Variants in CNTNAP5 observed in about 807,000 individuals in gnomAD.
The protein encoded by CNTNAP5 is contactin associated protein family member 5.
In CNTNAP5, 72 loss-of-function variants were observed where a neutral mutation model predicts 150.2. That is an observed-to-expected ratio of 0.48 (90% CI 0.40 to 0.58). The LOEUF is 0.58. CNTNAP5 is among the 20% of genes least tolerant of loss of function. The pLI, the probability that CNTNAP5 is intolerant of heterozygous loss-of-function variation, is 0.00. For missense variants in CNTNAP5, 1,636 were observed against 1,626.2 expected (o/e 1.01, Z -0.10); for synonymous variants, 672 against 619.8 (o/e 1.08, Z -1.25).
chr2:124,265,305 A>G (rs774326253), intron 3 of CNTNAP5, among the ~76,000 whole-genome samples: 1 of 151,936 alleles, frequency 6.6e-6, no homozygotes, highest in Non-Finnish European at 1.5e-5. Context: ...CTTGGTGTCA[A>G]TTTCACCTTC....
At chr2:124,313,794 A>G (rs1049477257) in intron 3 of CNTNAP5, among the ~76,000 whole-genome samples, 1 of 152,186 alleles carries the variant, frequency 6.6e-6, no homozygotes, top group Non-Finnish European at 1.5e-5. Flanking sequence ...CAGGGCAGGC[A>G]GGGGGAGTGA....
chr2:124,227,062 C>T (rs1312642045), intron 2 of CNTNAP5, among the ~76,000 whole-genome samples: 1 of 152,130 alleles, frequency 6.6e-6, no homozygotes, highest in Non-Finnish European at 1.5e-5. Flanking sequence ...TAAGTTTCCA[C>T]ATGAGTTTCA....
intron 13 of CNTNAP5, among the ~76,000 whole-genome samples, chr2:124,718,373 A>T (rs754110922): frequency 6.6e-6 from 1 of 151,928 alleles, no homozygotes; most frequent in Non-Finnish European, 1.5e-5. Flanking sequence ...AATCCAACAA[A>T]CTCCATTTTT....
intron 11 of CNTNAP5, 21 bp from the exon 12 acceptor site, chr2:124,609,780 C>T: frequency 6.2e-7 from 1 of 1,612,030 alleles, no homozygotes; most frequent in Non-Finnish European, 8.5e-7. Context: ...AGTTTTATCT[C>T]TGCTGCCTTT....
At chr2:124,319,165 G>T (rs952800794) in intron 3 of CNTNAP5, among the ~76,000 whole-genome samples, 1 of 152,172 alleles carries the variant, frequency 6.6e-6, no homozygotes, top group African/African-American at 2.4e-5. Flanking sequence ...ACCTATAAAG[G>T]TTCTCTTGCC....
chr2:124,123,638 C>G (rs1433284168), intron 1 of CNTNAP5, among the ~76,000 whole-genome samples: 1 of 152,202 alleles, frequency 6.6e-6, no homozygotes, highest in South Asian at 2.1e-4. Flanking sequence ...AGTAGCCTAA[C>G]TGGGAGACAC....
chr2:124,750,011 C>T (rs1680691730), intron 14 of CNTNAP5, among the ~76,000 whole-genome samples: 1 of 152,166 alleles, frequency 6.6e-6, no homozygotes, highest in Non-Finnish European at 1.5e-5. Flanking sequence ...ACTCTGAACC[C>T]CTCATCTGAT....
chr2:124,279,969 T>G (rs1396771400), intron 3 of CNTNAP5, among the ~76,000 whole-genome samples: 1 of 152,094 alleles, frequency 6.6e-6, no homozygotes, highest in African/African-American at 2.4e-5. Flanking sequence ...CTCCTAATAT[T>G]TTTCTTTACT....
In CNTNAP5 at chr2:124,788,449, A is replaced by C. The variant is rs78797898; in HGVS notation, c.2753-1453A>C. On this transcript the variant is annotated intron_variant, in intron 17 of 23. Transcript: ENST00000682447. ...ATAATGTAATAATAAGCTCATTATT[A>C]ATCAGCTTAATTTAAGGATTAATCA... 2.1e-4 allele frequency among the ~76,000 whole-genome samples: 32 copies of C among 152,338 alleles called. No homozygotes were observed. The East Asian group carries it at 5.8e-3, about 28-fold the overall frequency.
chr2:124,681,603 G>A (rs796350327), intron 13 of CNTNAP5, among the ~76,000 whole-genome samples: 1 of 152,130 alleles, frequency 6.6e-6, no homozygotes, highest in African/African-American at 2.4e-5. Context: ...TCACACTGTC[G>A]CTCAGGCCGG....
In CNTNAP5 at chr2:124,349,027, T is replaced by C. The variant is rs779090556; in HGVS notation, c.382-68416T>C. On this transcript the variant is annotated intron_variant, in intron 3 of 23. Transcript: ENST00000682447. The stretch of plus-strand genomic sequence containing the variant: ...CAATTTTTGGCATCTTTAAAAAATG[T>C]TTGTGAACTTAACTAGTAGAGATTG... 5.9e-5 allele frequency among the ~76,000 whole-genome samples: 9 copies of C among 152,336 alleles called. No individual in the cohort carries two copies. In the East Asian group the frequency reaches 1.7e-3, roughly 29 times the overall value.
intron 11 of CNTNAP5, among the ~76,000 whole-genome samples, chr2:124,570,956 G>A (rs1000804991): frequency 2.6e-5 from 4 of 152,160 alleles, no homozygotes; most frequent in African/African-American, 9.7e-5. Context: ...ATGACCTAGG[G>A]AAAGAAGCCA....
chr2:124,474,929 G>T (rs1201945983), intron 7 of CNTNAP5, 47 bp downstream of exon 7: 1 of 1,539,504 alleles, frequency 6.5e-7, no homozygotes, highest in Admixed American at 2.2e-5. Context: ...ACCACTTTGG[G>T]GTAAGTCTTG....
chr2:124,816,725 G>C (rs181097029), intron 19 of CNTNAP5, among the ~76,000 whole-genome samples: 243 of 152,074 alleles, frequency 1.6e-3, no homozygotes, highest in Non-Finnish European at 2.6e-3. Flanking sequence ...TGATCCACCC[G>C]CCTCAGCCTC....
intron 11 of CNTNAP5, among the ~76,000 whole-genome samples, chr2:124,574,887 C>G (rs1220657137): frequency 6.6e-6 from 1 of 152,110 alleles, no homozygotes; most frequent in Non-Finnish European, 1.5e-5. Flanking sequence ...AACACTGTGA[C>G]TTATGTATAG....
At chr2:124,495,472 C>G (rs951850751) in intron 7 of CNTNAP5, among the ~76,000 whole-genome samples, 1 of 152,212 alleles carries the variant, frequency 6.6e-6, no homozygotes, top group African/African-American at 2.4e-5. Flanking sequence ...GCATGTGGCT[C>G]TAGTAGTTCC....
At chr2:124,713,318 C>CCTTCCCTTCTTT (rs1402534251) in intron 13 of CNTNAP5, among the ~76,000 whole-genome samples, 1 of 43,926 alleles carries the variant, frequency 2.3e-5, no homozygotes, top group Admixed American at 2.9e-4. Flanking sequence ...CTCTTTCTTT[C>CCTTCCCTTCTTT]CTTTCTTTCT....
chr2:124,755,124 A>C (rs1680812144), intron 14 of CNTNAP5, among the ~76,000 whole-genome samples: 1 of 151,552 alleles, frequency 6.6e-6, no homozygotes, highest in South Asian at 2.1e-4. Context: ...TCCAACTTTT[A>C]GGGAAAAATA....
intron 1 of CNTNAP5, among the ~76,000 whole-genome samples, chr2:124,026,662 T>A (rs1267056322): frequency 6.6e-6 from 1 of 152,256 alleles, no homozygotes; most frequent in East Asian, 1.9e-4. Context: ...GCCATCTGTG[T>A]TGTTTCCAAA....
Sources: gnomAD v4.1 joint callset for allele counts (sites outside exome capture counted in the v4.1 genomes callset) on GRCh38, gnomAD v4.1.1 for gene constraint, MANE v1.5 for transcripts, NCBI Gene and HGNC (gene_info 2026-07-23, HGNC 2026-07-21) for gene names.